Variants in SDK1 observed in about 807,000 individuals in gnomAD.
SDK1 encodes sidekick cell adhesion molecule 1, also known as protein sidekick-1.
SDK1 carries 157 observed loss-of-function variants against 245.5 expected under a neutral mutation model. The observed-to-expected ratio is 0.64, with a 90% confidence interval of 0.56 to 0.73. The LOEUF (loss-of-function observed/expected upper bound fraction) is 0.73, where lower values mean the gene tolerates loss of function less well. Among genes scored for constraint, SDK1 ranks in the 30% least tolerant of loss-of-function variants. SDK1 has a pLI of 0.00. For missense variants in SDK1, 3,583 were observed against 3,002.3 expected (o/e 1.19, Z -4.52); for synonymous variants, 1,647 against 1,278.5 (o/e 1.29, Z -6.15).
Position 3,971,564 on chromosome 7 carries a change from C to A in SDK1, c.1813C>A (p.Leu605Ile), listed in dbSNP as rs757491794. The change falls in exon 12 of 45, where the codon CTC becomes ATC. Residue 605 changes from leucine (L) to isoleucine (I), a missense_variant. Transcript: ENST00000404826. Reference sequence around the variant, plus strand: ...TGCCACACATGACCCCCGGGTTTCACTCCGGTCAGCACAATCAGTTACAAT... The same window carrying A: ...TGCCACACATGACCCCCGGGTTTCAATCCGGTCAGCACAATCAGTTACAAT... ...CGATHDPRVSLRYVWKKDNVA... is the reference protein window; with the variant it reads ...CGATHDPRVSIRYVWKKDNVA... 6.2e-7 allele frequency: 1 copy of A among 1,607,692 alleles called. No individual in the cohort carries two copies.
Position 4,185,334 on chromosome 7 carries a change from C to T in SDK1, c.5098+6748C>T, listed in dbSNP as rs184423375. Among the ~76,000 whole-genome samples, 302 of 152,302 alleles carry T rather than the reference C, an allele frequency of 2.0e-3. 1 individual carries two copies. The highest frequency in any genetic ancestry group is 3.4e-3 in the Non-Finnish European group (232 of 68,016). On this transcript the variant is annotated intron_variant, in intron 35 of 44. Coordinates refer to ENST00000404826, the MANE Select transcript of SDK1 (RefSeq NM_152744.4). Reference sequence around the variant, plus strand: ...CCCAGCTCCACATTCCACAGCGTTCCGGGCACTGTGGGACCACGCTCCAGC... The same window carrying T: ...CCCAGCTCCACATTCCACAGCGTTCTGGGCACTGTGGGACCACGCTCCAGC...
In SDK1 at chr7:4,024,911, GA is replaced by G. The variant is rs372632292; in HGVS notation, c.2602+7563del. On this transcript the variant is annotated intron_variant, in intron 17 of 44. Coordinates refer to ENST00000404826, the MANE Select transcript of SDK1 (RefSeq NM_152744.4). Reference sequence around the variant, plus strand: ...TCCCACAGCCGCATTATGTGGAATAGAAAAGACATGGGCGTGCTTCTCACTC... The same window carrying G: ...TCCCACAGCCGCATTATGTGGAATAGAAAGACATGGGCGTGCTTCTCACTC... 7.9e-3 allele frequency among the ~76,000 whole-genome samples: 1,203 copies of G among 152,212 alleles called. 17 individuals carry two copies. The highest frequency in any genetic ancestry group is 0.027 in the African/African-American group (1,139 of 41,516).
chr7:3,826,927 A>G (rs1393266254), intron 5 of SDK1, among the ~76,000 whole-genome samples: 2 of 152,018 alleles, frequency 1.3e-5, no homozygotes, highest in Non-Finnish European at 2.9e-5. Flanking sequence ...TCCCAGCAAG[A>G]CTTCACTCAC....
rs575043962 is a variant in SDK1, at chr7:4,050,855, T to G, written c.2719-783T>G. On this transcript the variant is annotated intron_variant, in intron 18 of 44. Coordinates refer to ENST00000404826, the MANE Select transcript of SDK1 (RefSeq NM_152744.4). ...TTATTCTTTACTGTTAAAATATATA[T>G]TATATACTATATGGTATATATTATA... is the stretch of plus-strand genomic sequence containing the variant. 4.7e-3 allele frequency among the ~76,000 whole-genome samples: 684 copies of G among 145,386 alleles called. 3 individuals carry two copies. Among genetic ancestry groups the G allele is most frequent in the African/African-American group, 0.017 (672 of 39,856 alleles).
At chr7:4,082,518 G>A (rs1781121457) in intron 22 of SDK1, among the ~76,000 whole-genome samples, 1 of 143,690 alleles carries the variant, frequency 7.0e-6, no homozygotes, top group African/African-American at 2.6e-5. Context: ...CTGGGCAACA[G>A]AGTGAGATTC....
intron 1 of SDK1, among the ~76,000 whole-genome samples, chr7:3,527,637 G>A (rs960348757): frequency 1.3e-5 from 2 of 151,396 alleles, no homozygotes; most frequent in African/African-American, 4.9e-5. Flanking sequence ...GCTAGGGGGT[G>A]AGTGGTGGGA....
At chr7:3,918,192 G>T (rs776702535) in intron 5 of SDK1, among the ~76,000 whole-genome samples, 1 of 152,068 alleles carries the variant, frequency 6.6e-6, no homozygotes, top group African/African-American at 2.4e-5. Flanking sequence ...TCAACACCGC[G>T]GTACCCTGGA....
At chr7:3,620,944 A>G (rs1242314931) in intron 2 of SDK1, among the ~76,000 whole-genome samples, 1 of 152,156 alleles carries the variant, frequency 6.6e-6, no homozygotes, top group African/African-American at 2.4e-5. Context: ...AGCATGTTGA[A>G]ATCAAACAGT....
At chr7:3,650,901 T>C (rs569935419) in intron 4 of SDK1, among the ~76,000 whole-genome samples, 6 of 151,828 alleles carry the variant, frequency 4.0e-5, no homozygotes, top group African/African-American at 1.5e-4. Flanking sequence ...TGGTTTCCTG[T>C]TGTTGTTGTC....
intron 1 of SDK1, among the ~76,000 whole-genome samples, chr7:3,384,032 T>G (rs1418914771): frequency 6.6e-6 from 1 of 152,210 alleles, no homozygotes; most frequent in Non-Finnish European, 1.5e-5. Flanking sequence ...ACTTGAAGCT[T>G]GTAAGTTAAA....
chr7:3,485,164 G>A (rs1271045317), intron 1 of SDK1, among the ~76,000 whole-genome samples: 1 of 151,960 alleles, frequency 6.6e-6, no homozygotes, highest in Non-Finnish European at 1.5e-5. Context: ...GCCAGCATTT[G>A]TTATTTTCTG....
At chr7:3,853,796 C>T (rs1034098734) in intron 5 of SDK1, among the ~76,000 whole-genome samples, 5 of 152,102 alleles carry the variant, frequency 3.3e-5, no homozygotes, top group Non-Finnish European at 7.4e-5. Context: ...TGAGACCATC[C>T]TGGCCAACAT....
intron 1 of SDK1, among the ~76,000 whole-genome samples, chr7:3,454,414 G>GTGTGTGTGTGTGTC (rs66682254): frequency 6.7e-6 from 1 of 150,246 alleles, no homozygotes; most frequent in Non-Finnish European, 1.5e-5. Context: ...GTGTGTGTGT[G>GTGTGTGTGTGTGTC]TGTGTGTGTG....
chr7:4,023,220 T>A (rs1787067970), intron 17 of SDK1, among the ~76,000 whole-genome samples: 1 of 152,168 alleles, frequency 6.6e-6, no homozygotes, highest in African/African-American at 2.4e-5. Context: ...CTTTCCTGAC[T>A]TTTCTTATCC....
At chr7:3,999,827 C>T (rs1784943698) in intron 14 of SDK1, among the ~76,000 whole-genome samples, 1 of 152,104 alleles carries the variant, frequency 6.6e-6, no homozygotes, top group South Asian at 2.1e-4. Context: ...TTCTTATCTC[C>T]CCCCACCATG....
chr7:4,118,946 G>T (rs1351512502), intron 25 of SDK1, among the ~76,000 whole-genome samples: 1 of 148,696 alleles, frequency 6.7e-6, no homozygotes, highest in African/African-American at 2.5e-5. Context: ...GGAATGGGAA[G>T]TGATGGGTGA....
intron 5 of SDK1, among the ~76,000 whole-genome samples, chr7:3,946,320 G>A (rs996056147): frequency 1.3e-5 from 2 of 151,962 alleles, no homozygotes; most frequent in African/African-American, 4.8e-5. Flanking sequence ...TGGGACCACA[G>A]GCACAGACCA....
intron 1 of SDK1, among the ~76,000 whole-genome samples, chr7:3,512,650 T>C (rs1273876569): frequency 1.3e-5 from 2 of 152,192 alleles, no homozygotes; most frequent in African/African-American, 2.4e-5. Context: ...GCCATTCTAG[T>C]GATATGTTGT....
At chr7:3,494,992 C>T (rs1015678905) in intron 1 of SDK1, among the ~76,000 whole-genome samples, 1 of 152,160 alleles carries the variant, frequency 6.6e-6, no homozygotes, top group Admixed American at 6.5e-5. Context: ...GCTGTTATCT[C>T]CTGTCAGAAC....
Sources: gnomAD v4.1 joint callset for allele counts (sites outside exome capture counted in the v4.1 genomes callset) on GRCh38, gnomAD v4.1.1 for gene constraint, MANE v1.5 for transcripts, NCBI Gene and HGNC (gene_info 2026-07-23, HGNC 2026-07-21) for gene names.